KAT2B: variants seen among roughly 807,000 people sequenced by gnomAD.
The protein encoded by KAT2B is histone acetyltransferase KAT2B.
A neutral mutation model predicts 105.9 loss-of-function variants in KAT2B; 36 were observed. The observed-to-expected ratio is 0.34, with a 90% confidence interval of 0.26 to 0.45. KAT2B has a LOEUF of 0.45. Ranked by LOEUF, KAT2B falls within the 20% of genes least tolerant of loss-of-function variation. The pLI is 1.00. For missense variants in KAT2B, 820 were observed against 1,021.6 expected, an observed-to-expected ratio of 0.80 and a Z score of 2.69; for synonymous variants, 397 against 377.9, an observed-to-expected ratio of 1.05 and a Z score of -0.59.
intron 2 of KAT2B, among the ~76,000 whole-genome samples, chr3:20,075,934 T>TAG (rs897648323): frequency 1.9e-4 from 28 of 150,666 alleles, no homozygotes; most frequent in Non-Finnish European, 7.4e-5. Flanking sequence ...ATTTTTTTCA[T>TAG]ACGGCTTTAT....
At chr3:20,143,997 A>G (rs1040526812) in intron 13 of KAT2B, among the ~76,000 whole-genome samples, 3 of 152,134 alleles carry the variant, frequency 2.0e-5, no homozygotes, top group East Asian at 3.9e-4. Context: ...CAGTATACCC[A>G]TAATACCCCC....
rs1699424493 is a variant in KAT2B, at chr3:20,127,363, C to G, written c.1623-60C>G. 6 of 1,490,544 alleles carry G rather than the reference C, an allele frequency of 4.0e-6. No homozygotes were observed. In the South Asian group the frequency reaches 7.1e-5, roughly 18 times the overall value. The allele number at this position is 1,490,544 out of a possible 1,614,324, so 92.3% of individuals were successfully genotyped here. A position where few individuals can be genotyped will look rare whatever the true frequency, so the allele number is the denominator to read the frequency against. ...CTTAGTTGGTTAATAAGGAACACCC[C>G]AAAAAGTATATTTATATAACTAGGA... On this transcript the variant is annotated intron_variant, in intron 10 of 17. Transcript: ENST00000263754.
chr3:20,097,771 A>G (rs1300033631), intron 3 of KAT2B, among the ~76,000 whole-genome samples: 1 of 152,158 alleles, frequency 6.6e-6, no homozygotes, highest in African/African-American at 2.4e-5. Flanking sequence ...TCCTAGCCTC[A>G]AGTGATCTCC....
intron 7 of KAT2B, 33 bp downstream of exon 7, chr3:20,115,021 C>G: frequency 1.5e-6 from 2 of 1,324,698 alleles, no homozygotes; most frequent in Non-Finnish European, 1.1e-6. Context: ...CAGAGAACAA[C>G]CAGGGAGGCC....
intron 6 of KAT2B, among the ~76,000 whole-genome samples, chr3:20,112,274 A>G (rs1010325627): frequency 6.6e-6 from 1 of 151,974 alleles, no homozygotes; most frequent in South Asian, 2.1e-4. Flanking sequence ...ACTAGACTGC[A>G]AAAGCAGGGA....
intron 4 of KAT2B, among the ~76,000 whole-genome samples, chr3:20,100,190 G>A (rs889287513): frequency 3.3e-5 from 5 of 152,140 alleles, no homozygotes; most frequent in African/African-American, 1.2e-4. Flanking sequence ...TGTGTTTGGG[G>A]AAGAAAAACA....
intron 2 of KAT2B, among the ~76,000 whole-genome samples, chr3:20,084,870 G>T (rs914633480): frequency 2.0e-5 from 3 of 152,160 alleles, no homozygotes; most frequent in Non-Finnish European, 2.9e-5. Context: ...TTTTGGTAAA[G>T]TGTTTTGGGG....
chr3:20,081,878 C>CTCATATATATATATATAT (rs1698525314), intron 2 of KAT2B, among the ~76,000 whole-genome samples: 2 of 140,540 alleles, frequency 1.4e-5, no homozygotes, highest in South Asian at 4.6e-4. Flanking sequence ...GTCATTGGCT[C>CTCATATATATATATATAT]ATATATATAT....
intron 1 of KAT2B, among the ~76,000 whole-genome samples, chr3:20,049,148 C>T (rs1466656705): frequency 6.6e-6 from 1 of 152,174 alleles, no homozygotes; most frequent in African/African-American, 2.4e-5. Context: ...GTGTGAGCCA[C>T]CGCGCCTGGC....
chr3:20,089,838 T>C (rs1237668013), intron 2 of KAT2B, among the ~76,000 whole-genome samples: 1 of 151,836 alleles, frequency 6.6e-6, no homozygotes, highest in Non-Finnish European at 1.5e-5. Context: ...TTTGTTTTGA[T>C]AGTTTGTTGT....
chr3:20,127,325 C>A (rs1699423702), intron 10 of KAT2B, 98 bp from the exon 11 acceptor site: 10 of 1,047,004 alleles, frequency 9.6e-6, no homozygotes, highest in Admixed American at 2.0e-5. Flanking sequence ...AAACTTAGGA[C>A]ATGTCCCTCT....
chr3:20,111,626 C>A lies in KAT2B; in HGVS notation c.882C>A (p.Phe294Leu). The change falls in exon 6 of 18, where the codon TTC (phenylalanine) becomes TTA (leucine). Residue 294 changes from phenylalanine (F) to leucine (L), a missense_variant. By Grantham distance (22) the Phe-to-Leu change is conservative (BLOSUM62 0). Coordinates refer to ENST00000263754, the MANE Select transcript of KAT2B (RefSeq NM_003884.5). ...TGTGTTACTGCAACGTGCCACAGTTCTGCGACAGTCTACCTCGGTACGAAA... is the reference window on the plus strand; with the variant it reads ...TGTGTTACTGCAACGTGCCACAGTTATGCGACAGTCTACCTCGGTACGAAA... Reference protein sequence around the residue: ...RWLCYCNVPQFCDSLPRYETT... With the variant: ...RWLCYCNVPQLCDSLPRYETT... The A allele has an allele frequency of 6.2e-7, 1 of 1,613,306 alleles. No individual in the cohort carries two copies. Among genetic ancestry groups the A allele is most frequent in the Non-Finnish European group, 8.5e-7 (1 of 1,179,650 alleles).
intron 9 of KAT2B, chr3:20,123,038 T>TC: frequency 1.3e-6 from 1 of 783,230 alleles, no homozygotes; most frequent in Non-Finnish European, 1.5e-6. Context: ...GTTGAAGGCA[T>TC]CATTCCCAGC....
At chr3:20,129,608 T>C (rs140553558) in intron 11 of KAT2B, among the ~76,000 whole-genome samples, 1 of 152,256 alleles carries the variant, frequency 6.6e-6, no homozygotes, top group Non-Finnish European at 1.5e-5. Flanking sequence ...ACTCCTGACC[T>C]CAGGTGATCT....
intron 1 of KAT2B, among the ~76,000 whole-genome samples, chr3:20,067,175 A>G (rs989840615): frequency 6.6e-6 from 1 of 152,176 alleles, no homozygotes; most frequent in African/African-American, 2.4e-5. Flanking sequence ...GGATCCCAAG[A>G]CTCAGTGGAG....
chr3:20,098,924 T>G (rs1698859175), intron 3 of KAT2B, among the ~76,000 whole-genome samples: 1 of 152,174 alleles, frequency 6.6e-6, no homozygotes, highest in South Asian at 2.1e-4. Flanking sequence ...AGGTTCCATT[T>G]ACCCCTGAGA....
chr3:20,086,473 C>T (rs1187433152), intron 2 of KAT2B, among the ~76,000 whole-genome samples: 4 of 152,020 alleles, frequency 2.6e-5, no homozygotes, highest in Non-Finnish European at 4.4e-5. Flanking sequence ...TGGTGGTACA[C>T]GCCTATAGTC....
intron 12 of KAT2B, among the ~76,000 whole-genome samples, chr3:20,138,133 C>T (rs1699634626): frequency 6.6e-6 from 1 of 151,956 alleles, no homozygotes; most frequent in Non-Finnish European, 1.5e-5. Context: ...TGTAATAAAG[C>T]AAAAGAAGGA....
chr3:20,068,432 A>G (rs774487070), intron 1 of KAT2B, among the ~76,000 whole-genome samples: 13 of 149,002 alleles, frequency 8.7e-5, no homozygotes, highest in South Asian at 2.2e-4. Context: ...CTAATGACCA[A>G]CTCCCACCTT....
Sources: allele counts gnomAD v4.1 joint callset (sites outside exome capture counted in the v4.1 genomes callset), GRCh38; gene constraint gnomAD v4.1.1; transcripts MANE v1.5; gene names NCBI Gene and HGNC (gene_info 2026-07-23, HGNC 2026-07-21).